Variants in PLCB2 observed in about 807,000 individuals in gnomAD.
PLCB2 encodes 1-phosphatidylinositol 4,5-bisphosphate phosphodiesterase beta-2.
A neutral mutation model predicts 141.7 loss-of-function variants in PLCB2; 115 were observed. The observed-to-expected ratio is 0.81, with a 90% CI of 0.70 to 0.95. The LOEUF (loss-of-function observed/expected upper bound fraction) is 0.95. Ranked by LOEUF, PLCB2 falls within the 40% of genes least tolerant of loss-of-function variation. PLCB2 has a pLI of 0.00. For synonymous variants in PLCB2, 603 were observed against 595.6 expected, an observed-to-expected ratio of 1.01 and a Z score of -0.18; for missense variants, 1,403 against 1,541.1, an observed-to-expected ratio of 0.91 and a Z score of 1.50.
At chr15:40,306,086 G>T (rs1341675734) in intron 1 of PLCB2, among the ~76,000 whole-genome samples, 2 of 152,182 alleles carry the variant, frequency 1.3e-5, no homozygotes, top group African/African-American at 4.8e-5. Flanking sequence ...CATGGCCAGG[G>T]GGAGAGCTTC....
In PLCB2 at chr15:40,291,311, C is replaced by G; in HGVS notation, c.2824G>C (p.Val942Leu). The G allele has an allele frequency of 6.5e-7, 1 of 1,543,308 alleles. No individual in the cohort carries two copies. Among genetic ancestry groups the G allele is most frequent in the Non-Finnish European group, 8.7e-7 (1 of 1,153,108 alleles). The change falls in exon 26 of 32, where the codon GTC (valine) becomes CTC (leucine). Residue 942 changes from valine to leucine, a missense_variant. Transcript: ENST00000260402. ...CCGGGACCGAGCTTGCAGGCCCCGA[C>G]GCCCCCCACGCCCGGTGGCCCGAGC... ...AELGPPGVGG[V>L]GACKLGPGKG...
intron 30 of PLCB2, chr15:40,289,582 A>G (rs1595625126): frequency 1.7e-6 from 1 of 575,126 alleles, no homozygotes; most frequent in Non-Finnish European, 3.1e-6. Flanking sequence ...TGCCTGGCAC[A>G]GGTCAGGACC....
chr15:40,296,313 G>T lies in PLCB2; in HGVS notation c.1679C>A (p.Ser560Tyr), dbSNP rs1394717144. ...TAACTTACGGGCAGAGAACTCAAAG[G>T]AGACGAACTTGGTGGGCTGGATGTA... ...VNYIQPTKFV[S>Y]FEFSAQKNRS... The change falls in exon 16 of 32, where the codon TCC becomes TAC. Residue 560 changes from serine (S) to tyrosine (Y), a missense_variant. Around this residue, in one of 4 missense-constraint regions of PLCB2, gnomAD observed 975 missense variants for 1,141.1 expected, o/e 0.85. Coordinates refer to ENST00000260402, the MANE Select transcript of PLCB2 (RefSeq NM_004573.3). The T allele has an allele frequency of 9.9e-6, 16 of 1,613,358 alleles. No individual in the cohort carries two copies. The highest frequency in any genetic ancestry group is 1.3e-5 in the African/African-American group (1 of 74,906).
At chr15:40,296,033 C>T (rs1207735938) in intron 16 of PLCB2, among the ~76,000 whole-genome samples, 1 of 152,090 alleles carries the variant, frequency 6.6e-6, no homozygotes, top group Non-Finnish European at 1.5e-5. Context: ...GCCCTGGGAG[C>T]CACAGAGCCT....
rs749691618 is a variant in PLCB2 at position 40,294,379 on chromosome 15, C to T, written c.1948G>A (p.Gly650Arg). 1.1e-5 allele frequency: 17 copies of T among 1,614,080 alleles called. No individual in the cohort carries two copies. The highest frequency in any genetic ancestry group is 4.0e-5 in the African/African-American group (3 of 74,938). ...TGCTTGAGGAGGTAGCCGCTCTGCC[C>T]GTTGAACTCAAATACTGCCATGTTC... ...QQNMAVFEFN[G>R]QSGYLLKHEF... Residue 650 changes from glycine to arginine, a missense_variant, in exon 19 of 32, where the codon GGG becomes AGG. Around this residue, in one of 4 missense-constraint regions of PLCB2, gnomAD observed 975 missense variants for 1,141.1 expected, o/e 0.85. Coordinates refer to ENST00000260402, the MANE Select transcript of PLCB2 (RefSeq NM_004573.3).
rs527838686 is a variant in PLCB2 at position 40,295,114 on chromosome 15, C to G, written c.1782-54G>C. ...GGCCATCTGCACCAGGAGAACCTAA[C>G]AGCTTACCCTGGGGGCCCTGTCCCC... On this transcript the variant is annotated intron_variant, in intron 17 of 31. Coordinates refer to ENST00000260402, the MANE Select transcript of PLCB2 (RefSeq NM_004573.3). The G allele has an allele frequency of 2.9e-4, 475 of 1,610,324 alleles. 8 individuals are homozygous for G. In the South Asian group the frequency reaches 4.8e-3, roughly 16 times the overall value.
At position 40,298,699 on chromosome 15, in the gene PLCB2, G is replaced by A; in HGVS notation, c.860C>T (p.Ser287Leu). 1 of 1,614,176 alleles carries A rather than the reference G, an allele frequency of 6.2e-7. No homozygotes were observed. The highest frequency in any genetic ancestry group is 1.3e-5 in the African/African-American group (1 of 75,058). Residue 287 changes from serine to leucine, a missense_variant, in exon 10 of 32, where the codon TCA (serine) becomes TTA (leucine). Physicochemically the swap from Ser to Leu is moderately radical, Grantham distance 145. Around this residue, in one of 4 missense-constraint regions of PLCB2, gnomAD observed 975 missense variants for 1,141.1 expected, o/e 0.85. Coordinates refer to ENST00000260402, the MANE Select transcript of PLCB2 (RefSeq NM_004573.3). Reference protein sequence around the residue: ...SGINAQRGQLSPEGMVWFLCG... With the variant: ...SGINAQRGQLLPEGMVWFLCG... ...GAGAAACCAGACCATGCCTTCAGGT[G>A]ACAGCTGGCCTGGGGGACAGGAGAT...
intron 29 of PLCB2, 24 bp downstream of exon 29, chr15:40,290,553 C>G (rs1373912151): frequency 6.3e-7 from 1 of 1,581,060 alleles, no homozygotes; most frequent in Non-Finnish European, 8.7e-7. Context: ...CTGCCCAGCC[C>G]TGGGCCTCCC....
chr15:40,294,930 C>T lies in PLCB2; in HGVS notation c.1906+6G>A, dbSNP rs746634805. ...AGGATTCTTAGGGGCCTGGGAATGC[C>T]CTCACCCATCGTCTGGAAGTTGAGG... On this transcript the variant is annotated splice_donor_region_variant and intron_variant, in intron 18 of 31. Transcript: ENST00000260402. The T allele has an allele frequency of 3.7e-6, 6 of 1,614,028 alleles. 1 individual carries two copies. In the South Asian group the frequency reaches 6.6e-5, roughly 18 times the overall value.
In PLCB2 at chr15:40,302,002, C is replaced by G. The variant is rs200517392; in HGVS notation, c.537G>C (p.Lys179Asn). ...AGGCACTGAGAGCAGCTTCCACCCG[C>G]TTGCGGTCAGCAGGAAACATCTGGA... ...NFFQMFPADR[K>N]RVEAALSACH... The change falls in exon 7 of 32, where the codon AAG becomes AAC. Residue 179 changes from lysine to asparagine, a missense_variant. By Grantham distance (94) the Lys-to-Asn change is moderately conservative. This residue lies in a region of PLCB2 where 975 missense variants were observed against 1,141.1 expected (regional missense o/e 0.85). Transcript: ENST00000260402. The G allele has an allele frequency of 6.2e-7, 1 of 1,614,052 alleles. No homozygotes were observed. Among genetic ancestry groups the G allele is most frequent in the Admixed American group, 1.7e-5 (1 of 60,002 alleles).
intron 31 of PLCB2, 122 bp downstream of exon 31, chr15:40,289,150 C>T: frequency 9.6e-7 from 1 of 1,039,166 alleles, no homozygotes; most frequent in Non-Finnish European, 1.5e-6. Context: ...CCTCGGGACC[C>T]CACAGTGAAG....
At chr15:40,305,717 GAGAA>G (rs1461227120) in intron 1 of PLCB2, among the ~76,000 whole-genome samples, 1 of 152,236 alleles carries the variant, frequency 6.6e-6, no homozygotes, top group African/African-American at 2.4e-5. Flanking sequence ...ATGTCCTCCA[GAGAA>G]AGAATCAGCT....
At chr15:40,284,836 CAAAAAAAA>C (rs56397946), downstream of PLCB2, among the ~76,000 whole-genome samples, 31 of 74,878 alleles carry the variant, frequency 4.1e-4, no homozygotes, top group East Asian at 2.6e-3. Context: ...GAGACTCCGT[CAAAAAAAA>C]AAAAAAAAAA....
At position 40,294,305 on chromosome 15, in the gene PLCB2, G is replaced by T. The variant is rs771761578; in HGVS notation, c.2022C>A (p.Asp674Glu). 6.2e-7 allele frequency: 1 copy of T among 1,614,148 alleles called. No individual in the cohort carries two copies. The highest frequency in any genetic ancestry group is 8.5e-7 in the Non-Finnish European group (1 of 1,180,036). Residue 674 changes from aspartate (D) to glutamate (E), a missense_variant, in exon 19 of 32, where the codon GAC becomes GAA. Physicochemically the swap from Asp to Glu is conservative, Grantham distance 45. Around this residue, in one of 4 missense-constraint regions of PLCB2, gnomAD observed 975 missense variants for 1,141.1 expected, o/e 0.85. Transcript: ENST00000260402. ...PDKQFNPFSV[D>E]RIDVVVATTL... ...TGGTGGCCACCACCACGTCGATGCG[G>T]TCCACTGAGAAGGGGTTGAACTGCT...
rs145926038 is a variant in PLCB2, at chr15:40,288,323, A to G, written c.*392T>C. 3,558 of 1,001,046 alleles carry G rather than the reference A, an allele frequency of 3.6e-3. 110 individuals are homozygous for G. In the African/African-American group the frequency reaches 0.058, roughly 16 times the overall value. 62.0% of individuals were successfully genotyped at this position (1,001,046 alleles called of 1,614,324 possible). Reference sequence around the variant, plus strand: ...GCAGGAGGGTTCGGGGCTAGAGTGGAGGTGAGTGGGTCCAACCCTCCAGGT... The same window carrying G: ...GCAGGAGGGTTCGGGGCTAGAGTGGGGGTGAGTGGGTCCAACCCTCCAGGT... On this transcript the variant is annotated 3_prime_UTR_variant, in exon 32 of 32. Coordinates refer to ENST00000260402, the MANE Select transcript of PLCB2 (RefSeq NM_004573.3).
chr15:40,286,532 A>G (rs1236153093), downstream of PLCB2, among the ~76,000 whole-genome samples: 1 of 152,076 alleles, frequency 6.6e-6, no homozygotes, highest in Non-Finnish European at 1.5e-5. Context: ...TCAGCAATGG[A>G]ATTGGGAAAG....
At chr15:40,284,315 G>A, downstream of PLCB2, 1 of 327,586 alleles carries the variant, frequency 3.1e-6, no homozygotes, top group Admixed American at 4.2e-5. Context: ...TGCCGGCAGC[G>A]GGTAAGAGAG....
At chr15:40,291,682 C>T in intron 24 of PLCB2, 32 bp from the exon 25 acceptor site, 2 of 1,610,780 alleles carry the variant, frequency 1.2e-6, no homozygotes, top group African/African-American at 1.3e-5. Context: ...CTGTCAGGTG[C>T]TCTGGGGGGC....
intron 21 of PLCB2, 101 bp from the exon 22 acceptor site, chr15:40,292,544 A>G (rs1169684402): frequency 4.2e-6 from 3 of 716,000 alleles, no homozygotes; most frequent in African/African-American, 3.6e-5. Flanking sequence ...GCACTGCACC[A>G]TCCTGGCTGT....
Sources: allele counts gnomAD v4.1 joint callset (sites outside exome capture counted in the v4.1 genomes callset), GRCh38; gene constraint gnomAD v4.1.1; regional missense constraint gnomAD v4.1.1; transcripts MANE v1.5; gene names NCBI Gene and HGNC (gene_info 2026-07-23, HGNC 2026-07-21).